SHC2: variants seen among roughly 807,000 people sequenced by gnomAD.
SHC2 encodes the protein SHC adaptor protein 2, also known as SHC-transforming protein 2.
Under a neutral mutation model 60.6 loss-of-function variants are expected in SHC2, and 62 were observed. The observed-to-expected ratio is 1.02, with a 90% CI of 0.83 to 1.26. The LOEUF is 1.26. Ranked by LOEUF, SHC2 falls within the 50% of genes most tolerant of loss-of-function variation. The pLI, the probability that SHC2 is intolerant of heterozygous loss-of-function variation, is 0.00. For missense variants in SHC2, 873 were observed against 822.2 expected (o/e 1.06, Z -0.76); for synonymous variants, 375 against 372.4 (o/e 1.01, Z -0.08).
chr19:436,701 A>G lies in SHC2; in HGVS notation c.721-18T>C. 6.3e-7 allele frequency: 1 copy of G among 1,599,640 alleles called. No individual in the cohort carries two copies. ...GCGATGACCTGTGGCGGCAGGAGGC[A>G]CACGCGGTCATGGGGGCCCCGCTTC... On this transcript the variant is annotated intron_variant, in intron 4 of 12. Coordinates refer to ENST00000264554, the MANE Select transcript of SHC2 (RefSeq NM_012435.3).
intron 8 of SHC2, among the ~76,000 whole-genome samples, chr19:433,014 G>A (rs1974621254): frequency 1.5e-4 from 1 of 6,548 alleles, no homozygotes; most frequent in Non-Finnish European, 2.3e-4. Flanking sequence ...GAGTGAGATC[G>A]TGAGTGAGAG....
chr19:434,712 G>A lies in SHC2; in HGVS notation c.1107C>T (p.Asp369=), dbSNP rs953090722. Residue 369 remains aspartate, a synonymous_variant, in exon 8 of 13, where the codon GAC becomes GAT. Transcript: ENST00000264554. ...LTQPCALTAL[D]QGPSPSLRDA... The stretch of plus-strand genomic sequence containing the variant: ...CCCCCCGAGGGCAGAGGCTGACCTG[G>A]TCGAGGGCCGTGAGGGCGCAGGGCT... 127 of 1,609,718 alleles carry A rather than the reference G, an allele frequency of 7.9e-5. No individual in the cohort carries two copies. The highest frequency in any genetic ancestry group is 1.0e-4 in the Non-Finnish European group (120 of 1,178,928).
At chr19:430,196 C>G (rs1287425966) in intron 9 of SHC2, among the ~76,000 whole-genome samples, 1 of 144,618 alleles carries the variant, frequency 6.9e-6, no homozygotes, top group African/African-American at 2.6e-5. Context: ...CCAACGTGCA[C>G]AGAAACCTAA....
chr19:458,234 A>AG (rs1271966219), intron 1 of SHC2, among the ~76,000 whole-genome samples: 1 of 76,772 alleles, frequency 1.3e-5, no homozygotes, highest in East Asian at 3.6e-4. Flanking sequence ...GTTCCGGCGG[A>AG]GGGGGAAGTG....
chr19:434,991 G>A, intron 7 of SHC2, 126 bp from the exon 8 acceptor site: 1 of 1,000,220 alleles, frequency 1.0e-6, no homozygotes, highest in Non-Finnish European at 1.4e-6. Context: ...CTGTCACTGA[G>A]GGTTCCTACC....
At chr19:442,209 T>C (rs554045362) in intron 1 of SHC2, among the ~76,000 whole-genome samples, 118 of 151,622 alleles carry the variant, frequency 7.8e-4, no homozygotes, top group Non-Finnish European at 1.3e-3. Flanking sequence ...GATGGATGAA[T>C]GAAAGAATGG....
intron 9 of SHC2, among the ~76,000 whole-genome samples, chr19:429,434 A>G (rs1416057417): frequency 1.4e-4 from 18 of 130,318 alleles, no homozygotes; most frequent in Non-Finnish European, 1.9e-4. Flanking sequence ...TGTGGATGAC[A>G]CAGTATCTAC....
In SHC2 at chr19:437,271, C is replaced by CGTGCTCGTCTGT. The variant is rs1292444738; in HGVS notation, c.721-600_721-589dup. On this transcript the variant is annotated intron_variant, in intron 4 of 12. Transcript: ENST00000264554. ...GCGTGCTCGTTTGCGTGCTCGTCTGCGTGCTCGTCTGTGTGCTCATCTGCG... is the reference window on the plus strand; with the variant it reads ...GCGTGCTCGTTTGCGTGCTCGTCTGCGTGCTCGTCTGTGTGCTCGTCTGTGTGCTCATCTGCG... Among the ~76,000 whole-genome samples, 15 of 147,516 alleles carry CGTGCTCGTCTGT rather than the reference C, an allele frequency of 1.0e-4. No homozygotes were observed. In the South Asian group the frequency reaches 2.9e-3, roughly 29 times the overall value.
chr19:459,491 CACTGAACCCAGCGTAGGGGGAAGGACCCT>C (rs1975486075), intron 1 of SHC2, among the ~76,000 whole-genome samples: 92 of 136,054 alleles, frequency 6.8e-4, no homozygotes, highest in Middle Eastern at 4.8e-3. Flanking sequence ...GGAAGGACCC[CACTGAACCCAGCGTAGGGGGAAGGACCCT>C]TCTCAACTCA....
chr19:454,547 G>C (rs1253680452), intron 1 of SHC2, among the ~76,000 whole-genome samples: 3 of 152,228 alleles, frequency 2.0e-5, no homozygotes, highest in African/African-American at 7.2e-5. Context: ...AGCACTTTGG[G>C]AGGCGCAGGC....
rs765463500 is a variant in SHC2 at position 438,700 on chromosome 19, C to T, written c.720+18G>A. The T allele has an allele frequency of 2.1e-5, 33 of 1,547,900 alleles. No homozygotes were observed. Among genetic ancestry groups the T allele is most frequent in the Admixed American group, 9.8e-5 (5 of 50,892 alleles). ...CCTCTGGGGGTCTGGGGACGCCAGG[C>T]GAAGAGGGCAGACCCACCTGGCGCG... On this transcript the variant is annotated intron_variant, in intron 4 of 12. Coordinates refer to ENST00000264554, the MANE Select transcript of SHC2 (RefSeq NM_012435.3). This position sits in a 1 kb window ranked among gnomAD's most constrained non-coding sequence, Gnocchi z 5.0.
intron 8 of SHC2, among the ~76,000 whole-genome samples, chr19:431,572 G>A (rs1363204224): frequency 4.0e-5 from 2 of 49,706 alleles, no homozygotes; most frequent in African/African-American, 3.4e-4. Context: ...GAGTGAGATC[G>A]TGAGTGAGAG....
chr19:419,000 C>G lies in SHC2; in HGVS notation c.1677G>C (p.Leu559=). 6.3e-7 allele frequency: 1 copy of G among 1,587,432 alleles called. No individual in the cohort carries two copies. Among genetic ancestry groups the G allele is most frequent in the Non-Finnish European group, 8.6e-7 (1 of 1,167,458 alleles). The change falls in exon 12 of 13, where the codon CTG becomes CTC. Residue 559 remains leucine, a synonymous_variant. Transcript: ENST00000264554. ...ESISHLIDHH[L]QNGQPIVAAE... Reference sequence around the variant, plus strand: ...CGGCCACGATGGGCTGCCCGTTCTGCAGGTGGTGGTCGATCAGGTGGCTGA... The same window carrying G: ...CGGCCACGATGGGCTGCCCGTTCTGGAGGTGGTGGTCGATCAGGTGGCTGA...
intron 1 of SHC2, among the ~76,000 whole-genome samples, chr19:454,085 G>C (rs1190615457): frequency 4.6e-5 from 7 of 152,214 alleles, no homozygotes; most frequent in Admixed American, 4.6e-4. Flanking sequence ...CAAAGATCAG[G>C]CGTCAAGATT....
intron 8 of SHC2, among the ~76,000 whole-genome samples, chr19:434,159 A>T: frequency 7.0e-6 from 1 of 143,064 alleles, no homozygotes. Context: ...CGTGAGTGAG[A>T]TAGTGAGTGA....
In SHC2 at chr19:461,005, C is replaced by G; in HGVS notation, c.-9G>C. On this transcript the variant is annotated 5_prime_UTR_variant, in exon 1 of 13. Transcript: ENST00000264554. ...CCCGGACCCTGCGTCATGGCCGCGG[C>G]CGCCCGACGGAGCCCGACCGGGCGC... 1 of 943,326 alleles carries G rather than the reference C, an allele frequency of 1.1e-6. No homozygotes were observed. Among genetic ancestry groups the G allele is most frequent in the Non-Finnish European group, 1.3e-6 (1 of 791,560 alleles). The allele number at this position is 943,326 out of a possible 1,614,324, so 58.4% of individuals were successfully genotyped here.
intron 7 of SHC2, 110 bp from the exon 8 acceptor site, chr19:434,975 C>T: frequency 8.6e-7 from 1 of 1,168,244 alleles, no homozygotes; most frequent in Non-Finnish European, 1.2e-6. Flanking sequence ...AATCCCAGCC[C>T]CCCACCTGTC....
At chr19:430,563 A>G in intron 9 of SHC2, 121 bp downstream of exon 9, 1 of 744,090 alleles carries the variant, frequency 1.3e-6, no homozygotes, top group Non-Finnish European at 2.2e-6. Flanking sequence ...GAGCAAGACG[A>G]TCTCATAGAT....
In SHC2 at chr19:436,646, G is replaced by A. The variant is rs759714454; in HGVS notation, c.758C>T (p.Ala253Val). Reference protein sequence around the residue: ...ANHHMPSISFASGGDTDMTDY... With the variant: ...ANHHMPSISFVSGGDTDMTDY... ...TGGCCTCACCGTGTCTCCGCCTGAC[G>A]CGAAGGAGATGGACGGCATGTGGTG... is the stretch of plus-strand genomic sequence containing the variant. Residue 253 changes from alanine (A) to valine (V), a missense_variant, in exon 5 of 13, where the codon GCG becomes GTG. Transcript: ENST00000264554. 28 of 1,607,408 alleles carry A rather than the reference G, an allele frequency of 1.7e-5. No homozygotes were observed. The highest frequency in any genetic ancestry group is 2.1e-5 in the Non-Finnish European group (25 of 1,179,136).
Sources: gnomAD v4.1 joint callset for allele counts (sites outside exome capture counted in the v4.1 genomes callset) on GRCh38, gnomAD v4.1.1 for gene constraint, Gnocchi (gnomAD v3.1) non-coding constraint, MANE v1.5 for transcripts, NCBI Gene and HGNC (gene_info 2026-07-23, HGNC 2026-07-21) for gene names.